Variants in FEZF1 observed in about 807,000 individuals in gnomAD.
The protein encoded by FEZF1 is FEZ family zinc finger 1, also known as fez family zinc finger protein 1.
A neutral mutation model predicts 32.4 loss-of-function variants in FEZF1; 8 were observed. The observed-to-expected ratio is 0.25, with a 90% CI of 0.15 to 0.45. FEZF1 has a LOEUF of 0.45. FEZF1 is among the 20% of genes least tolerant of loss of function. FEZF1 has a pLI of 1.00. For missense variants in FEZF1, 546 were observed against 622.3 expected (o/e 0.88, Z 1.31); for synonymous variants, 259 against 265.2 (o/e 0.98, Z 0.23).
chr7:122,305,638 C>T (rs146187497), upstream of FEZF1: 1,725 of 152,316 alleles, frequency 0.011, 12 homozygotes, highest in Non-Finnish European at 0.018. Context: ...TTCTTAAGTA[C>T]CTGCGCTCAG....
In FEZF1 at chr7:122,302,094, G is replaced by T. The variant is rs747114666; in HGVS notation, c.1331C>A (p.Pro444Gln). Residue 444 changes from proline to glutamine, a missense_variant, in exon 4 of 4, where the codon CCG becomes CAG. By Grantham distance (76) the Pro-to-Gln change is moderately conservative. This residue lies in a region of FEZF1 where 83 missense variants were observed against 73.0 expected (regional missense o/e 1.14). Coordinates refer to ENST00000442488, the MANE Select transcript of FEZF1 (RefSeq NM_001024613.4). The surrounding 1 kb of genome is among the most constrained non-coding windows in gnomAD (Gnocchi z 4.4). The part of the protein sequence containing the change: ...AGEPGTEPPP[P>Q]LPQQPPMTLP... ...CGTCATCGGCGGCTGCTGCGGTAGC[G>T]GGGGCGGCGGTTCAGTGCCTGGTTC... The T allele has an allele frequency of 1.9e-6, 3 of 1,610,614 alleles. No individual in the cohort carries two copies. The South Asian group carries it at 3.3e-5, about 18-fold the overall frequency.
chr7:122,310,333 T>A (rs919328239), exon 1 of FEZF1: 1 of 152,186 alleles, frequency 6.6e-6, no homozygotes, highest in Non-Finnish European at 1.5e-5. Context: ...CTGCTGGAGT[T>A]GGGGCAGAGG....
At chr7:122,309,197 T>G (rs1165326873), upstream of FEZF1, among the ~76,000 whole-genome samples, 1 of 152,204 alleles carries the variant, frequency 6.6e-6, no homozygotes, top group Non-Finnish European at 1.5e-5. Context: ...GCTACTAGTG[T>G]GCTTTTAGTT....
rs201126466 is a variant in FEZF1 at position 122,302,777 on chromosome 7, A to T, written c.1069+22T>A. 1 of 651,246 alleles carries T rather than the reference A, an allele frequency of 1.5e-6. No homozygotes were observed. Among genetic ancestry groups the T allele is most frequent in the Non-Finnish European group, 2.4e-6 (1 of 424,062 alleles). 40.3% of individuals were successfully genotyped at this position (651,246 alleles called of 1,614,324 possible). The stretch of plus-strand genomic sequence containing the variant: ...GGCTTTTCATAAGACTAACCATGAG[A>T]GACATTTCCTGGTTTGCATACCTTT... On this transcript the variant is annotated intron_variant, in intron 3 of 3. Transcript: ENST00000442488. This position sits in a 1 kb window ranked among gnomAD's most constrained non-coding sequence, Gnocchi z 4.4.
In FEZF1 at chr7:122,302,603, TGCA is replaced by T. The variant is rs1321511596; in HGVS notation, c.1069+193_1069+195del. On this transcript the variant is annotated intron_variant, in intron 3 of 3. Coordinates refer to ENST00000442488, the MANE Select transcript of FEZF1 (RefSeq NM_001024613.4). This position sits in a 1 kb window ranked among gnomAD's most constrained non-coding sequence, Gnocchi z 4.4. Reference sequence around the variant, plus strand: ...AGTCCAATTACATACAATGAGAGCATGCAGTTAAAACATATACCCTTGTTTTAT... The same window carrying T: ...AGTCCAATTACATACAATGAGAGCATGTTAAAACATATACCCTTGTTTTAT... 6.6e-6 allele frequency among the ~76,000 whole-genome samples: 1 copy of T among 152,214 alleles called. No homozygotes were observed. The highest frequency in any genetic ancestry group is 1.5e-5 in the Non-Finnish European group (1 of 68,042).
upstream of FEZF1, chr7:122,308,547 C>T (rs1346318231): frequency 2.0e-5 from 3 of 152,020 alleles, no homozygotes; most frequent in Non-Finnish European, 2.9e-5. Context: ...TACTGCAATT[C>T]GAAATAAAAG....
Position 122,302,502 on chromosome 7 carries a change from C to G in FEZF1, c.1070-147G>C, listed in dbSNP as rs966589938. 7.9e-6 allele frequency: 10 copies of G among 1,268,564 alleles called. No individual in the cohort carries two copies. The highest frequency in any genetic ancestry group is 9.7e-6 in the Non-Finnish European group (9 of 928,928). 78.6% of individuals were successfully genotyped at this position (1,268,564 alleles called of 1,614,324 possible). A position where few individuals can be genotyped will look rare whatever the true frequency, so the allele number is the denominator to read the frequency against. ...TGCAGGGCTACTATCTGTGCCTGCA[C>G]TTGTCTCCCCAAGTTTATTTTCAAG... On this transcript the variant is annotated intron_variant, in intron 3 of 3. Transcript: ENST00000442488. This position sits in a 1 kb window ranked among gnomAD's most constrained non-coding sequence, Gnocchi z 4.4.
intron 1 of FEZF1, 34 bp from the exon 2 acceptor site, chr7:122,303,345 G>T (rs181175428): frequency 6.2e-7 from 1 of 1,611,300 alleles, no homozygotes; most frequent in Admixed American, 1.7e-5. Context: ...CAGGTTAGCC[G>T]CACAAGTAAC....
chr7:122,309,949 C>G (rs1391986262), intron 1 of FEZF1: 2 of 152,348 alleles, frequency 1.3e-5, no homozygotes, highest in East Asian at 1.9e-4. Flanking sequence ...GACACACACA[C>G]AAAACAACCA....
Position 122,302,771 on chromosome 7 carries a change from C to A in FEZF1, c.1069+28G>T. 6.9e-7 allele frequency: 1 copy of A among 1,453,412 alleles called. No homozygotes were observed. The highest frequency in any genetic ancestry group is 9.1e-7 in the Non-Finnish European group (1 of 1,101,844). The allele number at this position is 1,453,412 out of a possible 1,614,324, so 90.0% of individuals were successfully genotyped here. A position where few individuals can be genotyped will look rare whatever the true frequency, so the allele number is the denominator to read the frequency against. On this transcript the variant is annotated intron_variant, in intron 3 of 3. Transcript: ENST00000442488. The surrounding 1 kb of genome is among the most constrained non-coding windows in gnomAD (Gnocchi z 4.4). ...AAGTATGGCTTTTCATAAGACTAAC[C>A]ATGAGAGACATTTCCTGGTTTGCAT...
chr7:122,305,905 G>C (rs1241402696), upstream of FEZF1: 2 of 152,340 alleles, frequency 1.3e-5, no homozygotes, highest in African/African-American at 4.8e-5. Context: ...GCCGGGTGTG[G>C]CACCTCGGCC....
Position 122,304,548 on chromosome 7 carries a change from GCCTCCTCCT to G in FEZF1, c.-120_-112del. ...GGGACGGGCACCATCACCACCAGTA[GCCTCCTCCT>G]CCTCCTCCTCCCCAGCATCACCAGC... On this transcript the variant is annotated 5_prime_UTR_variant, in exon 1 of 4. Coordinates refer to ENST00000442488, the MANE Select transcript of FEZF1 (RefSeq NM_001024613.4). 1.2e-6 allele frequency: 1 copy of G among 847,048 alleles called. No homozygotes were observed. 52.5% of individuals were successfully genotyped at this position (847,048 alleles called of 1,614,324 possible). A position where few individuals can be genotyped will look rare whatever the true frequency, so the allele number is the denominator to read the frequency against.
intron 1 of FEZF1, 76 bp from the exon 2 acceptor site, chr7:122,303,387 G>A: frequency 1.3e-6 from 2 of 1,555,406 alleles, no homozygotes; most frequent in Non-Finnish European, 1.8e-6. Context: ...GAGAGGGTAG[G>A]AGGAAGAGAA....
chr7:122,305,591 T>G (rs1182957272), upstream of FEZF1: 2 of 152,226 alleles, frequency 1.3e-5, no homozygotes, highest in African/African-American at 2.4e-5. Context: ...CGCGCACGCT[T>G]CCGAGTTTCC....
intron 2 of FEZF1, 84 bp downstream of exon 2, chr7:122,303,093 A>T: frequency 6.3e-7 from 1 of 1,590,114 alleles, no homozygotes. Context: ...AATGAACGTT[A>T]TCCTAAAGAG....
upstream of FEZF1, chr7:122,308,542 C>T (rs1050786920): frequency 6.6e-6 from 1 of 152,068 alleles, no homozygotes; most frequent in African/African-American, 2.4e-5. Context: ...ATGGTTACTG[C>T]AATTCGAAAT....
Position 122,302,639 on chromosome 7 carries a change from G to T in FEZF1, c.1069+160C>A, listed in dbSNP as rs147865273. 2.6e-5 allele frequency among the ~76,000 whole-genome samples: 4 copies of T among 152,298 alleles called. No individual in the cohort carries two copies. In the East Asian group the frequency reaches 7.7e-4, roughly 29 times the overall value. ...CATATACCCTTGTTTTATGAATCAT[G>T]CTTTTCTCTAATACTAATCAGACTT... On this transcript the variant is annotated intron_variant, in intron 3 of 3. Coordinates refer to ENST00000442488, the MANE Select transcript of FEZF1 (RefSeq NM_001024613.4). This position sits in a 1 kb window ranked among gnomAD's most constrained non-coding sequence, Gnocchi z 4.4.
chr7:122,308,434 A>T (rs2031341037), upstream of FEZF1: 1 of 152,208 alleles, frequency 6.6e-6, no homozygotes, highest in Non-Finnish European at 1.5e-5. Context: ...TGACTTCAAT[A>T]CTTTCTAAGC....
Position 122,301,881 on chromosome 7 carries a change from G to C in FEZF1, c.*116C>G, listed in dbSNP as rs957221734. ...GATGCAGAGGCTTCTGGTCGGCCCT[G>C]AAGTGTGGGGCCCAACATGCCCTGG... On this transcript the variant is annotated 3_prime_UTR_variant, in exon 4 of 4. Coordinates refer to ENST00000442488, the MANE Select transcript of FEZF1 (RefSeq NM_001024613.4). The C allele has an allele frequency of 7.0e-7, 1 of 1,433,866 alleles. No homozygotes were observed. Among genetic ancestry groups the C allele is most frequent in the Non-Finnish European group, 9.3e-7 (1 of 1,076,536 alleles). 88.8% of individuals were successfully genotyped at this position (1,433,866 alleles called of 1,614,324 possible). A position where few individuals can be genotyped will look rare whatever the true frequency, so the allele number is the denominator to read the frequency against.
Sources: allele counts gnomAD v4.1 joint callset (sites outside exome capture counted in the v4.1 genomes callset), GRCh38; gene constraint gnomAD v4.1.1; regional missense constraint gnomAD v4.1.1; non-coding constraint Gnocchi (gnomAD v3.1); transcripts MANE v1.5; gene names NCBI Gene and HGNC (gene_info 2026-07-23, HGNC 2026-07-21).